The following PAFAH1B1 variants were observed in gnomAD, a reference collection of about 807,000 sequenced individuals.
The protein encoded by PAFAH1B1 is platelet-activating factor acetylhydrolase IB subunit beta.
PAFAH1B1 carries 2 observed loss-of-function variants against 57.5 expected under a neutral mutation model. The ratio of observed to expected loss-of-function variants is 0.03; its 90% CI spans 0.01 to 0.11. The LOEUF (loss-of-function observed/expected upper bound fraction) is 0.11. PAFAH1B1 is among the 10% of genes least tolerant of loss of function. The probability of loss-of-function intolerance (pLI) is 1.00; values close to 1 mark genes in which losing one functional copy is unlikely to be tolerated. For synonymous variants in PAFAH1B1, 152 were observed against 169.6 expected (o/e 0.90, Z 0.81); for missense variants, 257 against 512.0 (o/e 0.50, Z 4.81).
In PAFAH1B1 at chr17:2,677,962, T is replaced by G. The variant is rs917437824; in HGVS notation, c.1002+1356T>G. Among the ~76,000 whole-genome samples the G allele has an allele frequency of 1.8e-4, 27 of 152,088 alleles. 1 individual carries two copies. The highest frequency in any genetic ancestry group is 1.6e-3 in the Admixed American group (25 of 15,272). On this transcript the variant is annotated intron_variant, in intron 9 of 10. Coordinates refer to ENST00000397195, the MANE Select transcript of PAFAH1B1 (RefSeq NM_000430.4). ...GCTGTTAAGAAAAGATGATATATAA[T>G]TAAAATAAAGCAGGCCAGGCGCAGT...
intron 1 of PAFAH1B1, among the ~76,000 whole-genome samples, chr17:2,630,329 G>C (rs8077856): frequency 0.27 from 40,882 of 152,022 alleles, 5,715 homozygotes; most frequent in Middle Eastern, 0.35. Context: ...CTCAGCATTT[G>C]TTTGTCTGAA....
Position 2,594,016 on chromosome 17 carries a change from C to T in PAFAH1B1, c.-191+10C>T. 1 of 397,046 alleles carries T rather than the reference C, an allele frequency of 2.5e-6. No individual in the cohort carries two copies. The highest frequency in any genetic ancestry group is 6.3e-4 in the Middle Eastern group (1 of 1,586). The allele number at this position is 397,046 out of a possible 1,614,324, so 24.6% of individuals were successfully genotyped here. ...GCGGTGCAGCGCTCCGGTAAGGCGGCGCGGGTCTGCGCCCTCCCCTCTGTC... is the reference window on the plus strand; with the variant it reads ...GCGGTGCAGCGCTCCGGTAAGGCGGTGCGGGTCTGCGCCCTCCCCTCTGTC... On this transcript the variant is annotated intron_variant, in intron 1 of 10. Coordinates refer to ENST00000397195, the MANE Select transcript of PAFAH1B1 (RefSeq NM_000430.4).
chr17:2,672,630 A>G, intron 6 of PAFAH1B1, 25 bp from the exon 7 acceptor site: 1 of 1,433,842 alleles, frequency 7.0e-7, no homozygotes, highest in Non-Finnish European at 9.8e-7. Context: ...ATTACTTCAT[A>G]ATATATTGCT....
intron 1 of PAFAH1B1, among the ~76,000 whole-genome samples, chr17:2,622,680 C>T (rs2068439602): frequency 6.6e-6 from 1 of 152,140 alleles, no homozygotes; most frequent in South Asian, 2.1e-4. Flanking sequence ...GGTGGATCTA[C>T]CATTCTGGGG....
At chr17:2,672,285 C>CAAAAAA (rs35332619) in intron 6 of PAFAH1B1, among the ~76,000 whole-genome samples, 7 of 69,580 alleles carry the variant, frequency 1.0e-4, no homozygotes, top group Non-Finnish European at 1.4e-4. Flanking sequence ...CCTTGCCTCA[C>CAAAAAA]AAAAAAAAAA....
At chr17:2,599,384 G>GA (rs1292404255) in intron 1 of PAFAH1B1, among the ~76,000 whole-genome samples, 1 of 152,172 alleles carries the variant, frequency 6.6e-6, no homozygotes, top group Admixed American at 6.5e-5. Flanking sequence ...GTTAAATGGT[G>GA]AAAGTTGGTG....
intron 9 of PAFAH1B1, 89 bp from the exon 10 acceptor site, chr17:2,680,071 GTTTT>G: frequency 8.9e-7 from 1 of 1,129,664 alleles, no homozygotes; most frequent in Non-Finnish European, 1.3e-6. Context: ...GTCTTTTGAT[GTTTT>G]TGGTATGTAT....
At chr17:2,622,109 G>A (rs889114951) in intron 1 of PAFAH1B1, among the ~76,000 whole-genome samples, 1 of 152,134 alleles carries the variant, frequency 6.6e-6, no homozygotes, top group Non-Finnish European at 1.5e-5. Flanking sequence ...CCTGCAACAC[G>A]TGGGAATTCT....
rs1270769358 is a variant in PAFAH1B1, at chr17:2,685,315, C to G, written c.*3513C>G. The G allele has an allele frequency of 6.6e-6, 1 of 152,592 alleles. No individual in the cohort carries two copies. Among genetic ancestry groups the G allele is most frequent in the Non-Finnish European group, 1.5e-5 (1 of 68,038 alleles). The allele number at this position is 152,592 out of a possible 1,614,324, so 9.5% of individuals were successfully genotyped here. ...AAGCTCACTCTGAAGATGTTAGAGA[C>G]AAACACAAACTCTTCGAGTTAAAGT... On this transcript the variant is annotated 3_prime_UTR_variant, in exon 11 of 11. Coordinates refer to ENST00000397195, the MANE Select transcript of PAFAH1B1 (RefSeq NM_000430.4).
chr17:2,655,749 C>G (rs2068928023), intron 2 of PAFAH1B1, among the ~76,000 whole-genome samples: 1 of 151,660 alleles, frequency 6.6e-6, no homozygotes, highest in South Asian at 2.1e-4. Flanking sequence ...ACCCTCCAGC[C>G]TTGTTACAAT....
rs186298013 is a variant in PAFAH1B1 at position 2,652,861 on chromosome 17, G to A, written c.33-12511G>A. On this transcript the variant is annotated intron_variant, in intron 2 of 10. Coordinates refer to ENST00000397195, the MANE Select transcript of PAFAH1B1 (RefSeq NM_000430.4). The stretch of plus-strand genomic sequence containing the variant: ...CAACCGTTATGGAAGTCAGTGTGGC[G>A]ATTCCTCAGGGATCTAGAACTGGAA... Among the ~76,000 whole-genome samples, 5 of 152,254 alleles carry A rather than the reference G, an allele frequency of 3.3e-5. No homozygotes were observed. In the East Asian group the frequency reaches 7.7e-4, roughly 23 times the overall value.
rs1325313877 is a variant in PAFAH1B1, at chr17:2,665,595, T to C, written c.117+139T>C. On this transcript the variant is annotated intron_variant, in intron 3 of 10. Coordinates refer to ENST00000397195, the MANE Select transcript of PAFAH1B1 (RefSeq NM_000430.4). ...ACTGAACTTGATTTTCACTCCTTTT[T>C]TTTTTATTTTTTATTTTAATTTTTG... 5.2e-6 allele frequency: 3 copies of C among 574,118 alleles called. No homozygotes were observed. The African/African-American group carries it at 5.7e-5, about 11-fold the overall frequency. 35.6% of individuals were successfully genotyped at this position (574,118 alleles called of 1,614,324 possible).
intron 1 of PAFAH1B1, among the ~76,000 whole-genome samples, chr17:2,614,801 C>T (rs2068317090): frequency 1.3e-5 from 2 of 151,814 alleles, no homozygotes; most frequent in South Asian, 2.1e-4. Flanking sequence ...TTGCCCAGGC[C>T]GGTGTTAAAC....
At position 2,680,329 on chromosome 17, in the gene PAFAH1B1, G is replaced by C. The variant is rs759885486; in HGVS notation, c.1159+9G>C. 6.2e-7 allele frequency: 1 copy of C among 1,612,450 alleles called. No homozygotes were observed. The highest frequency in any genetic ancestry group is 1.7e-5 in the Admixed American group (1 of 59,998). Reference sequence around the variant, plus strand: ...CTTTGTTACCTCCTTGGGTATGTACGCCTCGCGAGGTCTCTGAACATTAGA... The same window carrying C: ...CTTTGTTACCTCCTTGGGTATGTACCCCTCGCGAGGTCTCTGAACATTAGA... On this transcript the variant is annotated intron_variant, in intron 10 of 10. Transcript: ENST00000397195.
rs1345788622 is a variant in PAFAH1B1 at position 2,683,821 on chromosome 17, G to C, written c.*2019G>C. 2 of 152,470 alleles carry C rather than the reference G, an allele frequency of 1.3e-5. No homozygotes were observed. 9.4% of individuals were successfully genotyped at this position (152,470 alleles called of 1,614,324 possible). A position where few individuals can be genotyped will look rare whatever the true frequency, so the allele number is the denominator to read the frequency against. ...TTGTTCTTGTTTGCTGCTATTTTCTGTCCTATTTTGAGAAATATAAATACA... is the reference window on the plus strand; with the variant it reads ...TTGTTCTTGTTTGCTGCTATTTTCTCTCCTATTTTGAGAAATATAAATACA... On this transcript the variant is annotated 3_prime_UTR_variant, in exon 11 of 11. Coordinates refer to ENST00000397195, the MANE Select transcript of PAFAH1B1 (RefSeq NM_000430.4).
intron 2 of PAFAH1B1, chr17:2,639,838 C>T (rs1421798265): frequency 6.6e-6 from 1 of 152,086 alleles, no homozygotes; most frequent in Admixed American, 6.6e-5. Context: ...CTTCGTGATC[C>T]TCCTGCTTTG....
intron 1 of PAFAH1B1, among the ~76,000 whole-genome samples, chr17:2,624,576 C>G (rs570382743): frequency 1.4e-4 from 22 of 152,286 alleles, no homozygotes; most frequent in Non-Finnish European, 2.8e-4. Context: ...ATAAACCTGT[C>G]AGATCTTGTG....
At chr17:2,627,377 C>G (rs1487972776) in intron 1 of PAFAH1B1, among the ~76,000 whole-genome samples, 1 of 152,038 alleles carries the variant, frequency 6.6e-6, no homozygotes, top group Non-Finnish European at 1.5e-5. Flanking sequence ...TGTTTGTTTG[C>G]TTTGTTGAAG....
At chr17:2,631,566 G>A (rs778720210) in intron 1 of PAFAH1B1, among the ~76,000 whole-genome samples, 31 of 152,126 alleles carry the variant, frequency 2.0e-4, no homozygotes, top group Admixed American at 5.2e-4. Context: ...TGCATTTTGC[G>A]TGGCTCTCTA....
Sources: allele counts gnomAD v4.1 joint callset (sites outside exome capture counted in the v4.1 genomes callset), GRCh38; gene constraint gnomAD v4.1.1; transcripts MANE v1.5; gene names NCBI Gene and HGNC (gene_info 2026-07-23, HGNC 2026-07-21).